RHOH: variants seen among roughly 807,000 people sequenced by gnomAD.
RHOH encodes the protein ras homolog family member H.
RHOH carries 6 observed loss-of-function variants against 13.8 expected under a neutral mutation model. That is an observed-to-expected ratio of 0.44 (90% CI 0.24 to 0.86). The LOEUF is 0.86. Among genes scored for constraint, RHOH ranks in the 40% least tolerant of loss-of-function variants. The pLI is 0.24. For missense variants in RHOH, 147 were observed against 244.5 expected (o/e 0.60, Z 2.66); for synonymous variants, 117 against 103.0 (o/e 1.14, Z -0.82).
chr4:40,222,201 A>G (rs1726668406), intron 1 of RHOH, among the ~76,000 whole-genome samples: 2 of 152,252 alleles, frequency 1.3e-5, no homozygotes, highest in African/African-American at 2.4e-5. Flanking sequence ...TGAATAAACT[A>G]CAGCAAGTTA....
intron 1 of RHOH, among the ~76,000 whole-genome samples, chr4:40,227,030 A>G (rs769808346): frequency 6.6e-6 from 1 of 152,074 alleles, no homozygotes; most frequent in Non-Finnish European, 1.5e-5. Flanking sequence ...GTGGTGGTGC[A>G]TGCCTGTAAT....
chr4:40,209,827 A>G (rs1273165572), intron 1 of RHOH, among the ~76,000 whole-genome samples: 2 of 152,256 alleles, frequency 1.3e-5, no homozygotes, highest in African/African-American at 2.4e-5. Flanking sequence ...TTTGAAAGAC[A>G]TATCTTCTAG....
intron 1 of RHOH, among the ~76,000 whole-genome samples, chr4:40,242,082 G>A (rs1021346524): frequency 6.6e-6 from 1 of 152,192 alleles, no homozygotes; most frequent in Non-Finnish European, 1.5e-5. Context: ...CTGAATTTTG[G>A]TCTGAAAGAC....
chr4:40,228,628 G>C (rs1334426566), intron 1 of RHOH, among the ~76,000 whole-genome samples: 1 of 152,126 alleles, frequency 6.6e-6, no homozygotes, highest in Non-Finnish European at 1.5e-5. Flanking sequence ...TTACAGCTGG[G>C]AAGTATCTTG....
Position 40,244,487 on chromosome 4 carries a change from G to A in RHOH, c.*525G>A, listed in dbSNP as rs1306246719. 4.7e-6 allele frequency: 1 copy of A among 213,406 alleles called. No homozygotes were observed. The highest frequency in any genetic ancestry group is 1.0e-5 in the Non-Finnish European group (1 of 96,238). The allele number at this position is 213,406 out of a possible 1,614,324, so 13.2% of individuals were successfully genotyped here. On this transcript the variant is annotated 3_prime_UTR_variant, in exon 3 of 3. Transcript: ENST00000381799. ...AACCACTTGGCTGCTGGATTTAAATGGGTAATCAAATTTAAAAATGACCAT... is the reference window on the plus strand; with the variant it reads ...AACCACTTGGCTGCTGGATTTAAATAGGTAATCAAATTTAAAAATGACCAT...
Position 40,218,889 on chromosome 4 carries a change from A to G in RHOH, c.-331+21589A>G, listed in dbSNP as rs1179829841. Among the ~76,000 whole-genome samples, 1 of 152,198 alleles carries G rather than the reference A, an allele frequency of 6.6e-6. No homozygotes were observed. The highest frequency in any genetic ancestry group is 1.5e-5 in the Non-Finnish European group (1 of 68,038). ...ATCACCACAAGCTGCCTCTATATAC[A>G]GTATAGTGAGAAAGTCTCAACCACC... is the stretch of plus-strand genomic sequence containing the variant. On this transcript the variant is annotated intron_variant, in intron 1 of 2. Transcript: ENST00000381799. The surrounding 1 kb of genome is among the most constrained non-coding windows in gnomAD (Gnocchi z 4.1).
intron 1 of RHOH, among the ~76,000 whole-genome samples, chr4:40,232,739 C>T (rs1476617340): frequency 6.6e-6 from 1 of 152,164 alleles, no homozygotes; most frequent in Non-Finnish European, 1.5e-5. Flanking sequence ...CCCCACTGAG[C>T]AGCCCACAGT....
chr4:40,215,518 C>G lies in RHOH; in HGVS notation c.-331+18218C>G, dbSNP rs576518334. On this transcript the variant is annotated intron_variant, in intron 1 of 2. Transcript: ENST00000381799. The stretch of plus-strand genomic sequence containing the variant: ...CTCCCTCCTTCCTTTCCTTCCTTCT[C>G]TAAACAGAGTCTAAGGTAATGCCCC... Among the ~76,000 whole-genome samples, 209 of 152,292 alleles carry G rather than the reference C, an allele frequency of 1.4e-3. 1 individual carries two copies. The highest frequency in any genetic ancestry group is 4.8e-3 in the African/African-American group (199 of 41,562).
intron 1 of RHOH, chr4:40,205,937 C>T (rs1017658044): frequency 2.0e-5 from 3 of 152,100 alleles, no homozygotes; most frequent in African/African-American, 4.8e-5. Context: ...ATCAGTGTGC[C>T]TTCATGTCTA....
intron 1 of RHOH, among the ~76,000 whole-genome samples, chr4:40,230,819 T>A (rs888043678): frequency 6.6e-6 from 1 of 152,004 alleles, no homozygotes; most frequent in Non-Finnish European, 1.5e-5. Flanking sequence ...TAAAAGGGAA[T>A]CAGAAGTTGG....
At chr4:40,194,219 T>TTTATTA (rs139835778), upstream of RHOH, among the ~76,000 whole-genome samples, 2 of 143,258 alleles carry the variant, frequency 1.4e-5, no homozygotes, top group African/African-American at 5.2e-5. Flanking sequence ...GTCATTTTTC[T>TTTATTA]TTATTATTAT....
At chr4:40,201,632 A>G (rs907620061) in intron 1 of RHOH, among the ~76,000 whole-genome samples, 3 of 152,116 alleles carry the variant, frequency 2.0e-5, no homozygotes, top group Non-Finnish European at 2.9e-5. Context: ...AAATCAGCAA[A>G]CACAATAAAT....
upstream of RHOH, among the ~76,000 whole-genome samples, chr4:40,194,498 G>A (rs1722923998): frequency 6.6e-6 from 1 of 152,072 alleles, no homozygotes; most frequent in Non-Finnish European, 1.5e-5. Context: ...CAAAGTTTTG[G>A]GATTATAGGC....
chr4:40,204,194 G>A (rs1276884290), intron 1 of RHOH, among the ~76,000 whole-genome samples: 1 of 152,184 alleles, frequency 6.6e-6, no homozygotes, highest in Non-Finnish European at 1.5e-5. Context: ...AGCCTTCAAT[G>A]TCTCGTGCTC....
intron 1 of RHOH, among the ~76,000 whole-genome samples, chr4:40,206,736 A>G (rs1024270184): frequency 6.6e-6 from 1 of 152,234 alleles, no homozygotes; most frequent in Non-Finnish European, 1.5e-5. Flanking sequence ...TATATGTGCC[A>G]AAACAATATT....
chr4:40,198,681 C>T (rs1012796111), intron 1 of RHOH, among the ~76,000 whole-genome samples: 2 of 152,258 alleles, frequency 1.3e-5, no homozygotes, highest in East Asian at 1.9e-4. Flanking sequence ...ACCAGTAAGA[C>T]CTCCACCTCT....
chr4:40,193,479 C>CGAGAGAGAGAGAGAGAGAGAGAGA (rs34244157), upstream of RHOH, among the ~76,000 whole-genome samples: 3 of 88,698 alleles, frequency 3.4e-5, no homozygotes, highest in African/African-American at 9.5e-5. Context: ...AGAATGAGAG[C>CGAGAGAGAGAGAGAGAGAGAGAGA]GAGAGAGAGA....
chr4:40,235,352 G>A (rs1364417634), intron 1 of RHOH: 2 of 152,110 alleles, frequency 1.3e-5, no homozygotes, highest in African/African-American at 4.8e-5. Flanking sequence ...CACTTTGGGA[G>A]GCCAAGGTGG....
In RHOH at chr4:40,245,900, C is replaced by T. The variant is rs903346336; in HGVS notation, c.*1938C>T. The T allele has an allele frequency of 4.6e-5, 7 of 152,300 alleles. No homozygotes were observed. The highest frequency in any genetic ancestry group is 1.7e-4 in the African/African-American group (7 of 41,458). 9.4% of individuals were successfully genotyped at this position (152,300 alleles called of 1,614,324 possible). A position where few individuals can be genotyped will look rare whatever the true frequency, so the allele number is the denominator to read the frequency against. On this transcript the variant is annotated 3_prime_UTR_variant, in exon 3 of 3. Transcript: ENST00000381799. The stretch of plus-strand genomic sequence containing the variant: ...AAAGGCCTGGGACCGGGGTCTTGAT[C>T]TCTGGTGGGAGGATTGCCTCGGTTC...
Sources: gnomAD v4.1 joint callset for allele counts (sites outside exome capture counted in the v4.1 genomes callset) on GRCh38, gnomAD v4.1.1 for gene constraint, Gnocchi (gnomAD v3.1) non-coding constraint, MANE v1.5 for transcripts, NCBI Gene and HGNC (gene_info 2026-07-23, HGNC 2026-07-21) for gene names.